The following MARCHF3 variants were observed in gnomAD, a reference collection of about 807,000 sequenced individuals.
MARCHF3 encodes the protein membrane associated ring-CH-type finger 3.
A neutral mutation model predicts 24.2 loss-of-function variants in MARCHF3; 13 were observed. The ratio of observed to expected loss-of-function variants is 0.54; its 90% CI spans 0.35 to 0.85. MARCHF3 has a LOEUF of 0.85. Ranked by LOEUF, MARCHF3 falls within the 40% of genes least tolerant of loss-of-function variation. MARCHF3 has a pLI of 0.01. For missense variants in MARCHF3, 276 were observed against 325.0 expected, an observed-to-expected ratio of 0.85 and a Z score of 1.16; for synonymous variants, 144 against 137.3, an observed-to-expected ratio of 1.05 and a Z score of -0.34.
chr5:126,945,978 G>A (rs1178466840), intron 1 of MARCHF3, among the ~76,000 whole-genome samples: 1 of 152,144 alleles, frequency 6.6e-6, no homozygotes, highest in Admixed American at 6.5e-5. Context: ...GCCCTTTCCT[G>A]CCTTAAACAT....
intron 1 of MARCHF3, among the ~76,000 whole-genome samples, chr5:127,029,707 G>T (rs550111916): frequency 2.2e-4 from 33 of 152,322 alleles, no homozygotes; most frequent in Admixed American, 1.3e-3. Flanking sequence ...AGCAGCTCCC[G>T]CCTGGTCCTA....
chr5:126,921,940 T>C (rs997115336), intron 1 of MARCHF3, among the ~76,000 whole-genome samples: 19 of 152,120 alleles, frequency 1.2e-4, no homozygotes, highest in African/African-American at 4.1e-4. Flanking sequence ...GATTAGGGAA[T>C]TGTTAAAATA....
Position 127,003,136 on chromosome 5 carries a change from A to C in MARCHF3, c.-57+27214T>G, listed in dbSNP as rs576194815. On this transcript the variant is annotated intron_variant, in intron 1 of 4. Coordinates refer to ENST00000308660, the MANE Select transcript of MARCHF3 (RefSeq NM_178450.5). ...AGTTGAAAGAAAGAAAAAAGAAAAA[A>C]AAAAAAGCTCAGAGGTGGAAGCTTG... 2.2e-3 allele frequency among the ~76,000 whole-genome samples: 331 copies of C among 152,256 alleles called. 2 individuals carry two copies. The highest frequency in any genetic ancestry group is 2.7e-3 in the Admixed American group (42 of 15,298).
At chr5:126,932,957 T>G (rs2126804752) in intron 1 of MARCHF3, among the ~76,000 whole-genome samples, 1 of 152,276 alleles carries the variant, frequency 6.6e-6, no homozygotes, top group South Asian at 2.1e-4. Context: ...AAACTAAATT[T>G]GTACTTCCAT....
chr5:126,915,153 C>T lies in MARCHF3; in HGVS notation c.189-19G>A, dbSNP rs748174594. On this transcript the variant is annotated intron_variant, in intron 2 of 4. Coordinates refer to ENST00000308660, the MANE Select transcript of MARCHF3 (RefSeq NM_178450.5). ...GAAGGGGCTGCAAGAGAAGGAGGGG[C>T]ACCTGCTGGTCACTGGGCTGGAAAC... is the stretch of plus-strand genomic sequence containing the variant. 17 of 1,610,524 alleles carry T rather than the reference C, an allele frequency of 1.1e-5. No individual in the cohort carries two copies. Among genetic ancestry groups the T allele is most frequent in the African/African-American group, 2.7e-5 (2 of 74,828 alleles).
In MARCHF3 at chr5:127,008,880, A is replaced by AATTTATTT. The variant is rs11270456; in HGVS notation, c.-57+21462_-57+21469dup. Among the ~76,000 whole-genome samples, 832 of 147,922 alleles carry AATTTATTT rather than the reference A, an allele frequency of 5.6e-3. 7 individuals are homozygous for AATTTATTT. Among genetic ancestry groups the AATTTATTT allele is most frequent in the Middle Eastern group, 0.011 (3 of 284 alleles). ...TTCAGGAGACGTTATCTCTTTAAAA[A>AATTTATTT]ATTTATTTATTTATTTATTTATTTA... On this transcript the variant is annotated intron_variant, in intron 1 of 4. Transcript: ENST00000308660.
chr5:126,908,578 C>A (rs1357822961), intron 3 of MARCHF3, among the ~76,000 whole-genome samples: 1 of 152,172 alleles, frequency 6.6e-6, no homozygotes, highest in Non-Finnish European at 1.5e-5. Context: ...ATTTCATCTT[C>A]CATCAATGGT....
chr5:126,938,912 A>G (rs1026427701), intron 1 of MARCHF3, among the ~76,000 whole-genome samples: 4 of 152,196 alleles, frequency 2.6e-5, no homozygotes, highest in Non-Finnish European at 4.4e-5. Flanking sequence ...CCATATAGTG[A>G]TTTCCTTTTG....
chr5:126,966,248 A>G (rs1750808726), intron 1 of MARCHF3, among the ~76,000 whole-genome samples: 4 of 152,186 alleles, frequency 2.6e-5, no homozygotes, highest in African/African-American at 4.8e-5. Context: ...AATGTTTTAT[A>G]TATTTATTGG....
At chr5:126,969,666 GAC>G (rs1380739383) in intron 1 of MARCHF3, among the ~76,000 whole-genome samples, 1 of 152,198 alleles carries the variant, frequency 6.6e-6, no homozygotes, top group Non-Finnish European at 1.5e-5. Flanking sequence ...GTTGCTGGTT[GAC>G]AGTTTGTTCT....
At chr5:126,914,514 A>C (rs1335250327) in intron 3 of MARCHF3, 3 of 234,812 alleles carry the variant, frequency 1.3e-5, no homozygotes, top group Admixed American at 4.9e-5. Flanking sequence ...ATACTTTTTC[A>C]TGAAGACTTC....
rs550151306 is a variant in MARCHF3, at chr5:126,876,913, G to A, written c.603+1272C>T. On this transcript the variant is annotated intron_variant, in intron 4 of 4. Transcript: ENST00000308660. ...GATCCGCCCGCCTCAGCCTCCCAAA[G>A]TGCTGGGATTACAGGCATGAGCCAC... is the stretch of plus-strand genomic sequence containing the variant. Among the ~76,000 whole-genome samples the A allele has an allele frequency of 7.3e-4, 111 of 152,282 alleles. No individual in the cohort carries two copies. The Middle Eastern group carries it at 0.01, about 14-fold the overall frequency.
Position 126,868,245 on chromosome 5 carries a change from C to T in MARCHF3, c.*2388G>A, listed in dbSNP as rs1752835184. ...CAAGGCTTGGAGGGGATGAAATATC[C>T]TCCAAGAGTTCAGAATCCCCTATGG... is the stretch of plus-strand genomic sequence containing the variant. On this transcript the variant is annotated 3_prime_UTR_variant, in exon 5 of 5. Transcript: ENST00000308660. The T allele has an allele frequency of 6.6e-6, 1 of 152,142 alleles. No homozygotes were observed. The highest frequency in any genetic ancestry group is 1.5e-5 in the Non-Finnish European group (1 of 68,034). 9.4% of individuals were successfully genotyped at this position (152,142 alleles called of 1,614,324 possible). A position where few individuals can be genotyped will look rare whatever the true frequency, so the allele number is the denominator to read the frequency against.
At chr5:126,897,056 T>TTTTTTTTTTTTTTTTTA (rs70997319) in intron 3 of MARCHF3, among the ~76,000 whole-genome samples, 2 of 148,948 alleles carry the variant, frequency 1.3e-5, no homozygotes, top group Non-Finnish European at 3.0e-5. Context: ...TTTTTTTTTT[T>TTTTTTTTTTTTTTTTTA]GAGATGGAGT....
chr5:127,001,000 G>A (rs997092438), intron 1 of MARCHF3, among the ~76,000 whole-genome samples: 12 of 152,178 alleles, frequency 7.9e-5, no homozygotes, highest in African/African-American at 2.9e-4. Context: ...AGCACTTTGG[G>A]AGGCCGAGGT....
At chr5:126,903,646 T>A (rs913696203) in intron 3 of MARCHF3, among the ~76,000 whole-genome samples, 3 of 135,094 alleles carry the variant, frequency 2.2e-5, no homozygotes, top group African/African-American at 9.8e-5. Flanking sequence ...TATATATATA[T>A]AAAATCTCTA....
At chr5:127,012,850 G>C (rs1037858113) in intron 1 of MARCHF3, among the ~76,000 whole-genome samples, 1 of 152,178 alleles carries the variant, frequency 6.6e-6, no homozygotes, top group Admixed American at 6.5e-5. Context: ...GCAAATGACT[G>C]TTCAAAATTT....
At chr5:126,980,633 T>G (rs922643876) in intron 1 of MARCHF3, among the ~76,000 whole-genome samples, 4 of 152,142 alleles carry the variant, frequency 2.6e-5, no homozygotes, top group Non-Finnish European at 4.4e-5. Context: ...CCTCCCAAAG[T>G]GCTGGGATTA....
At chr5:126,884,305 AG>A (rs78337560) in intron 3 of MARCHF3, among the ~76,000 whole-genome samples, 3,097 of 152,342 alleles carry the variant, frequency 0.02, 75 homozygotes, top group South Asian at 0.11. Flanking sequence ...ATGAGTTTCC[AG>A]GACAGCTGAA....
Sources: allele counts gnomAD v4.1 joint callset (sites outside exome capture counted in the v4.1 genomes callset), GRCh38; gene constraint gnomAD v4.1.1; transcripts MANE v1.5; gene names NCBI Gene and HGNC (gene_info 2026-07-23, HGNC 2026-07-21).